PLSCR4: variants seen among roughly 807,000 people sequenced by gnomAD.
The protein encoded by PLSCR4 is phospholipid scramblase 4.
In PLSCR4, 25 loss-of-function variants were observed where a neutral mutation model predicts 36.3. The observed-to-expected ratio is 0.69, with a 90% confidence interval of 0.50 to 0.96. PLSCR4 has a LOEUF of 0.96. Among genes scored for constraint, PLSCR4 ranks in the 40% least tolerant of loss-of-function variants. PLSCR4 has a pLI of 0.00. For missense variants in PLSCR4, 408 were observed against 414.7 expected (o/e 0.98, Z 0.14); for synonymous variants, 122 against 132.9 (o/e 0.92, Z 0.56).
At chr3:146,202,819 C>A (rs948457525) in intron 4 of PLSCR4, among the ~76,000 whole-genome samples, 1 of 151,958 alleles carries the variant, frequency 6.6e-6, no homozygotes, top group Non-Finnish European at 1.5e-5. Flanking sequence ...AGAATTCTCA[C>A]CAGGAGTAAA....
Position 146,201,173 on chromosome 3 carries a change from A to G in PLSCR4, c.355-96T>C, listed in dbSNP as rs559612844. The G allele has an allele frequency of 1.3e-5, 9 of 714,922 alleles. No individual in the cohort carries two copies. In the African/African-American group the frequency reaches 1.7e-4, roughly 13 times the overall value. The allele number at this position is 714,922 out of a possible 1,614,324, so 44.3% of individuals were successfully genotyped here. On this transcript the variant is annotated intron_variant, in intron 4 of 8. Coordinates refer to ENST00000354952, the MANE Select transcript of PLSCR4 (RefSeq NM_020353.3). The stretch of plus-strand genomic sequence containing the variant: ...ATGAAATAGATATTAAAATGCATCA[A>G]TTGATACCAAAATATATTTTTGAAA...
At chr3:146,206,379 T>C (rs1251480750) in intron 4 of PLSCR4, 147 bp downstream of exon 4, 5 of 614,684 alleles carry the variant, frequency 8.1e-6, no homozygotes, top group Non-Finnish European at 1.4e-5. Flanking sequence ...TTTCTGAAAC[T>C]GGTATCACTG....
intron 4 of PLSCR4, among the ~76,000 whole-genome samples, chr3:146,205,728 G>T (rs182568652): frequency 4.2e-4 from 64 of 152,152 alleles, no homozygotes; most frequent in African/African-American, 1.5e-3. Context: ...TTTATGAATG[G>T]TTTATTTCTA....
chr3:146,209,512 G>A (rs1316849013), intron 3 of PLSCR4, among the ~76,000 whole-genome samples: 2 of 152,060 alleles, frequency 1.3e-5, no homozygotes, highest in Non-Finnish European at 2.9e-5. Context: ...GGTCTCTTAA[G>A]ATAAGCAGTG....
intron 1 of PLSCR4, among the ~76,000 whole-genome samples, chr3:146,244,858 G>T (rs2036281099): frequency 6.6e-6 from 1 of 152,118 alleles, no homozygotes; most frequent in Non-Finnish European, 1.5e-5. Flanking sequence ...GCAAAGACAG[G>T]CCAAAAGCTA....
At chr3:146,227,908 A>T (rs148109211) in intron 1 of PLSCR4, among the ~76,000 whole-genome samples, 1 of 152,366 alleles carries the variant, frequency 6.6e-6, no homozygotes, top group African/African-American at 2.4e-5. Context: ...AGGAGATTAT[A>T]TTCTTTGTCC....
chr3:146,216,486 TC>T (rs1231237214), intron 3 of PLSCR4, among the ~76,000 whole-genome samples: 1 of 152,176 alleles, frequency 6.6e-6, no homozygotes, highest in East Asian at 1.9e-4. Context: ...CTCATCATAT[TC>T]CAGCCCTTAC....
intron 1 of PLSCR4, among the ~76,000 whole-genome samples, chr3:146,229,265 C>T (rs1311125568): frequency 6.6e-6 from 1 of 152,102 alleles, no homozygotes; most frequent in Non-Finnish European, 1.5e-5. Context: ...GGAGGCCGAT[C>T]ATGCCAGAAA....
Position 146,193,521 on chromosome 3 carries a change from G to A in PLSCR4, c.*890C>T, listed in dbSNP as rs1285077687. 1.3e-5 allele frequency: 2 copies of A among 152,072 alleles called. No homozygotes were observed. The highest frequency in any genetic ancestry group is 2.9e-5 in the Non-Finnish European group (2 of 68,010). The allele number at this position is 152,072 out of a possible 1,614,324, so 9.4% of individuals were successfully genotyped here. Reference sequence around the variant, plus strand: ...CAAATGAGATACAAAGGTGTACTAGGCAATCTTAGAGATCTGGCAACTTAT... The same window carrying A: ...CAAATGAGATACAAAGGTGTACTAGACAATCTTAGAGATCTGGCAACTTAT... On this transcript the variant is annotated 3_prime_UTR_variant, in exon 9 of 9. Transcript: ENST00000354952.
At chr3:146,198,223 G>T (rs2033854261) in intron 6 of PLSCR4, among the ~76,000 whole-genome samples, 1 of 152,146 alleles carries the variant, frequency 6.6e-6, no homozygotes, top group South Asian at 2.1e-4. Context: ...GGACTTTGGT[G>T]ATGATGGAAC....
At chr3:146,207,759 C>T (rs1387048151) in intron 3 of PLSCR4, among the ~76,000 whole-genome samples, 2 of 152,090 alleles carry the variant, frequency 1.3e-5, no homozygotes, top group Admixed American at 6.6e-5. Flanking sequence ...CCCCATTCCA[C>T]CTTCAATCAG....
At chr3:146,208,472 C>T (rs114215000) in intron 3 of PLSCR4, among the ~76,000 whole-genome samples, 1,773 of 152,180 alleles carry the variant, frequency 0.012, 14 homozygotes, top group Middle Eastern at 0.024. Context: ...GCAAAAACAA[C>T]AGTCAGCAGA....
chr3:146,217,328 GA>G (rs1342420060), intron 3 of PLSCR4, among the ~76,000 whole-genome samples: 1 of 152,210 alleles, frequency 6.6e-6, no homozygotes, highest in Non-Finnish European at 1.5e-5. Flanking sequence ...CCATGATGGG[GA>G]AAGGTTTTAC....
chr3:146,206,349 C>T (rs996858761), intron 4 of PLSCR4, among the ~76,000 whole-genome samples, 177 bp downstream of exon 4: 1 of 152,062 alleles, frequency 6.6e-6, no homozygotes, highest in South Asian at 2.1e-4. Flanking sequence ...CATCCTTGTA[C>T]TTGCTGTTTC....
Position 146,200,004 on chromosome 3 carries a change from T to C in PLSCR4, c.433A>G (p.Ile145Val), listed in dbSNP as rs1243424381. 6.2e-7 allele frequency: 1 copy of C among 1,602,240 alleles called. No individual in the cohort carries two copies. Among genetic ancestry groups the C allele is most frequent in the Non-Finnish European group, 8.5e-7 (1 of 1,169,648 alleles). ...ACCATCTGGTCTGAGTTGTTTTTAA[T>C]ATCATATCTATTATTAGTTTCAAAA... ...TCFETNNRYD[I>V]KNNSDQMVYI... The change falls in exon 6 of 9, where the codon ATT becomes GTT. Residue 145 changes from isoleucine to valine, a missense_variant. By Grantham distance (29) the Ile-to-Val change is conservative. Transcript: ENST00000354952.
chr3:146,230,046 T>A (rs1274623049), intron 1 of PLSCR4, among the ~76,000 whole-genome samples: 1 of 152,152 alleles, frequency 6.6e-6, no homozygotes. Context: ...TGTAGCTAGT[T>A]GGTCAGAAGT....
chr3:146,236,922 A>C (rs1246739709), intron 1 of PLSCR4, among the ~76,000 whole-genome samples: 3 of 152,212 alleles, frequency 2.0e-5, no homozygotes, highest in South Asian at 2.1e-4. Context: ...AGAATGTAAG[A>C]CATATAGAAA....
Position 146,199,965 on chromosome 3 carries a change from C to T in PLSCR4, c.472G>A (p.Glu158Lys), listed in dbSNP as rs539660710. 18 of 1,613,210 alleles carry T rather than the reference C, an allele frequency of 1.1e-5. No individual in the cohort carries two copies. The highest frequency in any genetic ancestry group is 6.7e-5 in the African/African-American group (5 of 74,990). Residue 158 changes from glutamate (E) to lysine (K), a missense_variant, in exon 6 of 9, where the codon GAA becomes AAA. Transcript: ENST00000354952. ...TTCCTGGTAAAGTCATCTGTGTCTTCGGTTACAATGTAAACCATCTGGTCT... is the reference window on the plus strand; with the variant it reads ...TTCCTGGTAAAGTCATCTGTGTCTTTGGTTACAATGTAAACCATCTGGTCT... ...NSDQMVYIVT[E>K]DTDDFTRNAY...
In PLSCR4 at chr3:146,196,757, A is replaced by G; in HGVS notation, c.661T>C (p.Phe221Leu). ...VQCPPGVTIG[F>L]VAEHWNLCRA... ...CACAGGTTCCAATGTTCCGCAACAA[A>G]GCCAATGGTGACACCAGGAGGACAC... Residue 221 changes from phenylalanine to leucine, a missense_variant, in exon 7 of 9, where the codon TTT becomes CTT. Physicochemically the swap from Phe to Leu is conservative, Grantham distance 22 (BLOSUM62 0). Transcript: ENST00000354952. 1 of 1,613,934 alleles carries G rather than the reference A, an allele frequency of 6.2e-7. No individual in the cohort carries two copies. The highest frequency in any genetic ancestry group is 1.1e-5 in the South Asian group (1 of 91,090).
Sources: allele counts gnomAD v4.1 joint callset (sites outside exome capture counted in the v4.1 genomes callset), GRCh38; gene constraint gnomAD v4.1.1; transcripts MANE v1.5; gene names NCBI Gene and HGNC (gene_info 2026-07-23, HGNC 2026-07-21).